The following ZNF136 variants were observed in gnomAD, a reference collection of about 807,000 sequenced individuals.
The protein encoded by ZNF136 is zinc finger protein 136 (clone pHZ-20).
Under a neutral mutation model 11.4 loss-of-function variants are expected in ZNF136, and 8 were observed. The ratio of observed to expected loss-of-function variants is 0.70; its 90% confidence interval spans 0.41 to 1.27. The LOEUF (loss-of-function observed/expected upper bound fraction) is 1.27. Among genes scored for constraint, ZNF136 ranks in the 50% most tolerant of loss-of-function variants. ZNF136 has a pLI of 0.01. For synonymous variants in ZNF136, 190 were observed against 207.1 expected, an observed-to-expected ratio of 0.92 and a Z score of 0.71; for missense variants, 590 against 656.5, an observed-to-expected ratio of 0.90 and a Z score of 1.11.
chr19:12,179,342 C>T (rs1914883761), intron 1 of ZNF136, among the ~76,000 whole-genome samples: 1 of 149,578 alleles, frequency 6.7e-6, no homozygotes, highest in East Asian at 2.0e-4. Flanking sequence ...TGGAGTCTCA[C>T]TCTGTCGGCC....
intron 1 of ZNF136, among the ~76,000 whole-genome samples, chr19:12,171,636 C>T (rs1307664375): frequency 6.6e-6 from 1 of 151,616 alleles, no homozygotes. Context: ...ATATTTTGTT[C>T]CAGGGAGTGA....
chr19:12,185,011 A>G (rs1294572639), intron 1 of ZNF136: 1 of 152,216 alleles, frequency 6.6e-6, no homozygotes, highest in East Asian at 1.9e-4. Flanking sequence ...CAGTGGTGTT[A>G]GATAACAGTG....
intron 1 of ZNF136, among the ~76,000 whole-genome samples, chr19:12,168,046 CTTTTCT>C (rs1599451521): frequency 5.3e-5 from 3 of 56,728 alleles, no homozygotes; most frequent in Admixed American, 1.7e-4. Context: ...ATTTTTTTTT[CTTTTCT>C]TTTTCTTTTT....
intron 1 of ZNF136, chr19:12,169,284 A>G (rs1914575554): frequency 6.6e-6 from 1 of 152,228 alleles, no homozygotes; most frequent in Non-Finnish European, 1.5e-5. Flanking sequence ...GTTGTCAGAA[A>G]AAATGACATC....
intron 1 of ZNF136, among the ~76,000 whole-genome samples, chr19:12,180,441 G>T (rs1355749350): frequency 6.6e-6 from 1 of 152,150 alleles, no homozygotes; most frequent in African/African-American, 2.4e-5. Context: ...TGAAATCCTG[G>T]TGCTTATATT....
Position 12,187,528 on chromosome 19 carries a change from A to G in ZNF136, c.1150A>G (p.Ile384Val), listed in dbSNP as rs986652421. The G allele has an allele frequency of 5.0e-6, 8 of 1,613,822 alleles. No individual in the cohort carries two copies. Among genetic ancestry groups the G allele is most frequent in the Non-Finnish European group, 6.8e-6 (8 of 1,179,970 alleles). The change falls in exon 4 of 4, where the codon ATA becomes GTA. Residue 384 changes from isoleucine to valine, a missense_variant. Ile to Val is a conservative substitution (Grantham distance 29, BLOSUM62 3). Coordinates refer to ENST00000343979, the MANE Select transcript of ZNF136 (RefSeq NM_003437.5). ...TATCCCAAGTATGCGAAGACACATG[A>G]TAAAACATACTGGAGAAGGACCTTA... is the stretch of plus-strand genomic sequence containing the variant. ...SCIPSMRRHMIKHTGEGPYKC... is the reference protein window; with the variant it reads ...SCIPSMRRHMVKHTGEGPYKC...
intron 1 of ZNF136, among the ~76,000 whole-genome samples, chr19:12,168,803 G>A (rs1914559468): frequency 6.6e-6 from 1 of 152,014 alleles, no homozygotes; most frequent in African/African-American, 2.4e-5. Context: ...AGCCGCCCAA[G>A]TAGCTAGAAT....
intron 1 of ZNF136, among the ~76,000 whole-genome samples, chr19:12,184,380 G>A (rs1330435894): frequency 6.6e-6 from 1 of 152,112 alleles, no homozygotes. Flanking sequence ...CTAACATGGT[G>A]AAACCCTGTC....
intron 1 of ZNF136, among the ~76,000 whole-genome samples, chr19:12,172,663 A>G (rs1914688552): frequency 6.6e-6 from 1 of 152,220 alleles, no homozygotes; most frequent in African/African-American, 2.4e-5. Flanking sequence ...CAATTAGGTG[A>G]GACTCGGAGG....
chr19:12,178,664 A>C (rs1914857755), intron 1 of ZNF136, among the ~76,000 whole-genome samples: 1 of 152,196 alleles, frequency 6.6e-6, no homozygotes, highest in Admixed American at 6.5e-5. Context: ...ACTTTATAAT[A>C]AACTTTATAA....
At chr19:12,180,227 A>G (rs959227827) in intron 1 of ZNF136, among the ~76,000 whole-genome samples, 1 of 152,200 alleles carries the variant, frequency 6.6e-6, no homozygotes, top group Non-Finnish European at 1.5e-5. Context: ...CCTCTAGGAA[A>G]GTTGTCAGAA....
At chr19:12,179,935 G>A (rs1053288427) in intron 1 of ZNF136, among the ~76,000 whole-genome samples, 12 of 151,520 alleles carry the variant, frequency 7.9e-5, no homozygotes, top group Non-Finnish European at 8.8e-5. Context: ...GCGCAGTCTC[G>A]GCTCACTGCA....
At chr19:12,169,326 T>C (rs985277592) in intron 1 of ZNF136, 2 of 152,164 alleles carry the variant, frequency 1.3e-5, no homozygotes, top group African/African-American at 4.8e-5. Flanking sequence ...ACTTGGTGAG[T>C]GGTTGCTGGT....
chr19:12,187,768 C>T lies in ZNF136; in HGVS notation c.1390C>T (p.Arg464Ter), dbSNP rs149571290. The T allele has an allele frequency of 3.7e-6, 6 of 1,612,498 alleles. No individual in the cohort carries two copies. Among genetic ancestry groups the T allele is most frequent in the East Asian group, 2.2e-5 (1 of 44,864 alleles). Residue 464 changes from arginine (R) to a stop codon, truncating the protein, a stop_gained, in exon 4 of 4, where the codon CGA becomes TGA. Coordinates refer to ENST00000343979, the MANE Select transcript of ZNF136 (RefSeq NM_003437.5). LOFTEE classifies it low-confidence loss of function (END_TRUNC). ...GKAFSYLNSF[R>*]THEMIHTGEK... is the part of the protein sequence containing the mutation. ...AGCCTTCAGTTATCTCAACTCCTTT[C>T]GAACACATGAAATGATTCACACTGG...
intron 1 of ZNF136, among the ~76,000 whole-genome samples, chr19:12,183,613 C>T (rs1915005440): frequency 6.7e-6 from 1 of 150,186 alleles, no homozygotes; most frequent in Non-Finnish European, 1.5e-5. Flanking sequence ...CTATGTTTAT[C>T]TTGAGACAGG....
At chr19:12,183,553 ATCTATCT>A (rs1568403117) in intron 1 of ZNF136, among the ~76,000 whole-genome samples, 33 of 12,934 alleles carry the variant, frequency 2.6e-3, no homozygotes, top group African/African-American at 9.6e-3. Flanking sequence ...AACTGAATCT[ATCTATCT>A]ATCTATCTAT....
intron 1 of ZNF136, among the ~76,000 whole-genome samples, chr19:12,166,601 A>C (rs1221774326): frequency 1.3e-5 from 2 of 152,194 alleles, no homozygotes; most frequent in African/African-American, 4.8e-5. Flanking sequence ...ATCTTAGGGA[A>C]CAGGACCTGG....
intron 1 of ZNF136, among the ~76,000 whole-genome samples, chr19:12,181,647 TG>T (rs992810986): frequency 1.3e-5 from 2 of 150,684 alleles, no homozygotes; most frequent in East Asian, 1.9e-4. Flanking sequence ...TAATTTTTTT[TG>T]GGGGGGGACA....
chr19:12,172,107 T>C (rs1313125590), intron 1 of ZNF136, among the ~76,000 whole-genome samples: 2 of 151,556 alleles, frequency 1.3e-5, no homozygotes, highest in African/African-American at 4.9e-5. Context: ...GCCTTCCGAG[T>C]AGCTGGGATC....
Sources: allele counts gnomAD v4.1 joint callset (sites outside exome capture counted in the v4.1 genomes callset), GRCh38; gene constraint gnomAD v4.1.1; transcripts MANE v1.5; gene names NCBI Gene and HGNC (gene_info 2026-07-23, HGNC 2026-07-21).